FOXP1: variants seen among roughly 807,000 people sequenced by gnomAD.
The protein encoded by FOXP1 is forkhead box protein P1.
A neutral mutation model predicts 98.2 loss-of-function variants in FOXP1; 15 were observed. The ratio of observed to expected loss-of-function variants is 0.15; its 90% CI spans 0.10 to 0.24. FOXP1 has a LOEUF of 0.24. FOXP1 is among the 10% of genes least tolerant of loss of function. The pLI, the probability that FOXP1 is intolerant of heterozygous loss-of-function variation, is 1.00. For synonymous variants in FOXP1, 371 were observed against 314.5 expected, an observed-to-expected ratio of 1.18 and a Z score of -1.90; for missense variants, 633 against 848.5, an observed-to-expected ratio of 0.75 and a Z score of 3.15.
chr3:71,566,341 G>A (rs1424978082), intron 2 of FOXP1, among the ~76,000 whole-genome samples: 2 of 152,142 alleles, frequency 1.3e-5, no homozygotes, highest in Non-Finnish European at 2.9e-5. Flanking sequence ...GTTTGCAAAT[G>A]GTGAGCTGTC....
intron 3 of FOXP1, among the ~76,000 whole-genome samples, chr3:71,435,986 AGGAGGGAG>A (rs1560484342): frequency 9.2e-6 from 1 of 108,696 alleles, no homozygotes; most frequent in Non-Finnish European, 2.0e-5. Flanking sequence ...GAAGGAGGGA[AGGAGGGAG>A]GGAGGATAGA....
intron 11 of FOXP1, among the ~76,000 whole-genome samples, chr3:71,017,240 A>G (rs952125589): frequency 3.9e-5 from 6 of 152,124 alleles, no homozygotes; most frequent in African/African-American, 1.2e-4. Flanking sequence ...CTGTGAATGA[A>G]TAAAATAGAA....
intron 3 of FOXP1, among the ~76,000 whole-genome samples, chr3:71,441,495 A>G (rs571544549): frequency 6.6e-6 from 1 of 152,356 alleles, no homozygotes; most frequent in South Asian, 2.1e-4. Context: ...CATGCCTGTG[A>G]GCAGGCAGTG....
rs566607652 is a variant in FOXP1, at chr3:71,131,303, G to A, written c.181-18666C>T. Among the ~76,000 whole-genome samples the A allele has an allele frequency of 1.3e-4, 20 of 150,822 alleles. 1 individual carries two copies. In the South Asian group the frequency reaches 1.5e-3, roughly 11 times the overall value. The stretch of plus-strand genomic sequence containing the variant: ...TGTCACAGTCCTGTCTTCCGTCACC[G>A]GAGTAATTCAGCAAATACTGTGAAG... On this transcript the variant is annotated intron_variant, in intron 6 of 20. Transcript: ENST00000649528.
At chr3:71,247,519 C>T (rs1027552122) in intron 5 of FOXP1, among the ~76,000 whole-genome samples, 1 of 152,148 alleles carries the variant, frequency 6.6e-6, no homozygotes, top group Admixed American at 6.6e-5. Flanking sequence ...GAGAGGTGTG[C>T]TGCTGCTGTA....
At chr3:71,422,782 G>A (rs2083763390) in intron 3 of FOXP1, among the ~76,000 whole-genome samples, 1 of 152,048 alleles carries the variant, frequency 6.6e-6, no homozygotes, top group South Asian at 2.1e-4. Flanking sequence ...AGGGGTGAAT[G>A]CCCTCTCTCT....
intron 7 of FOXP1, among the ~76,000 whole-genome samples, chr3:71,080,860 T>C (rs1223284317): frequency 3.3e-5 from 5 of 152,230 alleles, no homozygotes; most frequent in Non-Finnish European, 4.4e-5. Flanking sequence ...TCTCTGAATT[T>C]CCTTCTTCTG....
rs1435903266 is a variant in FOXP1 at position 71,485,539 on chromosome 3, C to T, written c.-168+7887G>A. ...ATCCCAGCACTTTGGGAGGCCAAGG[C>T]GGGCAGATCACCTGAGGTCAGGAGT... On this transcript the variant is annotated intron_variant, in intron 3 of 20. Transcript: ENST00000649528. Among the ~76,000 whole-genome samples, 9 of 152,230 alleles carry T rather than the reference C, an allele frequency of 5.9e-5. No homozygotes were observed. The East Asian group carries it at 1.5e-3, about 26-fold the overall frequency.
At chr3:71,370,587 C>T (rs1277681724) in intron 3 of FOXP1, among the ~76,000 whole-genome samples, 1 of 152,134 alleles carries the variant, frequency 6.6e-6, no homozygotes, top group Non-Finnish European at 1.5e-5. Context: ...GGCACCGGGG[C>T]ACCACTTTGC....
At chr3:71,054,704 G>A (rs1165905412) in intron 7 of FOXP1, among the ~76,000 whole-genome samples, 1 of 151,908 alleles carries the variant, frequency 6.6e-6, no homozygotes, top group Non-Finnish European at 1.5e-5. Flanking sequence ...GTCAGTCCCC[G>A]TAATGCAAGA....
Position 71,551,361 on chromosome 3 carries a change from A to C in FOXP1, c.-298+30188T>G, listed in dbSNP as rs372281300. On this transcript the variant is annotated intron_variant, in intron 2 of 20. Coordinates refer to ENST00000649528, the MANE Select transcript of FOXP1 (RefSeq NM_001349338.3). ...AACAATATTTAACTATCTTTTCCCCAAAATACTCCAGGGATTACTCAAACG... is the reference window on the plus strand; with the variant it reads ...AACAATATTTAACTATCTTTTCCCCCAAATACTCCAGGGATTACTCAAACG... Among the ~76,000 whole-genome samples, 34 of 152,342 alleles carry C rather than the reference A, an allele frequency of 2.2e-4. 1 individual carries two copies. The highest frequency in any genetic ancestry group is 7.9e-4 in the African/African-American group (33 of 41,586).
chr3:70,980,502 A>C (rs191835399), intron 14 of FOXP1, among the ~76,000 whole-genome samples: 34 of 152,320 alleles, frequency 2.2e-4, no homozygotes, highest in Admixed American at 6.5e-4. Flanking sequence ...AGATAAGCAA[A>C]CTGAGGCTTG....
chr3:71,030,431 C>G (rs928822590), intron 11 of FOXP1, among the ~76,000 whole-genome samples: 3 of 152,226 alleles, frequency 2.0e-5, no homozygotes, highest in Non-Finnish European at 1.5e-5. Flanking sequence ...CAACAGTAAC[C>G]TCAGCCCCAC....
intron 17 of FOXP1, among the ~76,000 whole-genome samples, chr3:70,974,714 G>A (rs977091045): frequency 6.6e-6 from 1 of 152,190 alleles, no homozygotes; most frequent in Non-Finnish European, 1.5e-5. Flanking sequence ...AATCCAGACA[G>A]GGCATGACAC....
intron 3 of FOXP1, among the ~76,000 whole-genome samples, chr3:71,490,134 G>A (rs950209274): frequency 5.3e-5 from 8 of 152,128 alleles, no homozygotes; most frequent in African/African-American, 9.7e-5. Context: ...CATAATGCAC[G>A]GAAGGCCAGT....
rs905973307 is a variant in FOXP1, at chr3:70,977,627, T to G, written c.1428+16A>C. Reference sequence around the variant, plus strand: ...TACCTTCTGACAGAATTTCATATACTGTGTTATTTACTTACCTGCCTAATT... The same window carrying G: ...TACCTTCTGACAGAATTTCATATACGGTGTTATTTACTTACCTGCCTAATT... On this transcript the variant is annotated intron_variant, in intron 16 of 20. Coordinates refer to ENST00000649528, the MANE Select transcript of FOXP1 (RefSeq NM_001349338.3). 1.3e-6 allele frequency: 2 copies of G among 1,582,818 alleles called. No individual in the cohort carries two copies. The highest frequency in any genetic ancestry group is 1.1e-5 in the South Asian group (1 of 90,438).
At chr3:71,336,467 C>T (rs116239051) in intron 4 of FOXP1, among the ~76,000 whole-genome samples, 2,150 of 142,128 alleles carry the variant, frequency 0.015, 53 homozygotes, top group African/African-American at 0.049. Context: ...TGAGGTTCCC[C>T]TCCCTGTGTC....
chr3:71,045,676 G>A (rs1290808330), intron 10 of FOXP1, among the ~76,000 whole-genome samples: 1 of 152,128 alleles, frequency 6.6e-6, no homozygotes, highest in African/African-American at 2.4e-5. Flanking sequence ...CAAGAGAGAA[G>A]TTAAGAGGAA....
At chr3:71,179,461 G>T (rs975426079) in intron 6 of FOXP1, among the ~76,000 whole-genome samples, 2 of 152,084 alleles carry the variant, frequency 1.3e-5, no homozygotes, top group African/African-American at 4.8e-5. Flanking sequence ...TGGCACAGCT[G>T]GAAGAAGATG....
Sources: gnomAD v4.1 joint callset for allele counts (sites outside exome capture counted in the v4.1 genomes callset) on GRCh38, gnomAD v4.1.1 for gene constraint, MANE v1.5 for transcripts, NCBI Gene and HGNC (gene_info 2026-07-23, HGNC 2026-07-21) for gene names.